Variants in ABLIM1 observed in about 807,000 individuals in gnomAD.
ABLIM1 encodes actin binding LIM protein 1.
ABLIM1 carries 40 observed loss-of-function variants against 107.0 expected under a neutral mutation model. The ratio of observed to expected loss-of-function variants is 0.37; its 90% confidence interval spans 0.29 to 0.49. The LOEUF is 0.49. Ranked by LOEUF, ABLIM1 falls within the 20% of genes least tolerant of loss-of-function variation. ABLIM1 has a pLI of 0.97. For synonymous variants in ABLIM1, 357 were observed against 357.3 expected, an observed-to-expected ratio of 1.00 and a Z score of 0.01; for missense variants, 857 against 1,008.5, an observed-to-expected ratio of 0.85 and a Z score of 2.04.
intron 2 of ABLIM1, among the ~76,000 whole-genome samples, chr10:114,584,135 A>AGAAAGAAAAGAAAAG (rs141462363): frequency 1.3e-4 from 20 of 149,314 alleles, no homozygotes; most frequent in Admixed American, 8.1e-4. Flanking sequence ...AAAATTAAGA[A>AGAAAGAAAAGAAAAG]AAAAGAAAAG....
chr10:114,772,272 C>T (rs558259939), upstream of ABLIM1, among the ~76,000 whole-genome samples: 4 of 152,132 alleles, frequency 2.6e-5, no homozygotes, highest in Admixed American at 6.5e-5. Flanking sequence ...CCCTGGCTCC[C>T]GAGAGAAGCA....
chr10:114,657,983 C>T lies in ABLIM1; in HGVS notation c.218G>A (p.Arg73His), dbSNP rs146399793. 1.2e-4 allele frequency: 192 copies of T among 1,613,822 alleles called. 1 individual carries two copies. In the African/African-American group the frequency reaches 1.3e-3, roughly 11 times the overall value. Residue 73 changes from arginine (R) to histidine (H), a missense_variant, in exon 1 of 23, where the codon CGT (arginine) becomes CAT (histidine). Around this residue, in one of 5 missense-constraint regions of ABLIM1, gnomAD observed 176 missense variants for 173.5 expected, o/e 1.01. Transcript: ENST00000533213. ...LCPKDYCPRG[R>H]VCNSVDPFVA... ...AAAAGGATCAACGCTGTTACATACA[C>T]GCCCACGTGGGCAGTAGTCCTTGGG...
In ABLIM1 at chr10:114,491,876, T is replaced by C. The variant is rs2135120534; in HGVS notation, c.897A>G (p.Ala299=). 2.5e-6 allele frequency: 4 copies of C among 1,605,506 alleles called. No individual in the cohort carries two copies. The African/African-American group carries it at 5.3e-5, about 21-fold the overall frequency. The change falls in exon 7 of 23, where the codon GCA becomes GCG. Residue 299 remains alanine, a splice_region_variant and synonymous_variant. Transcript: ENST00000533213. ...HQFITGKVLE[A]GDKHYHPSCA... is the part of the protein sequence containing the mutation. ...AGCTGGGGTGGTAATGTTTGTCACCTGCCTGCAAGAGAAAAGGTAGGGAAC... is the reference window on the plus strand; with the variant it reads ...AGCTGGGGTGGTAATGTTTGTCACCCGCCTGCAAGAGAAAAGGTAGGGAAC...
intron 1 of ABLIM1, among the ~76,000 whole-genome samples, chr10:114,607,971 G>A (rs546960163): frequency 2.6e-4 from 39 of 152,338 alleles, no homozygotes; most frequent in East Asian, 7.7e-4. Context: ...TTACACCAAC[G>A]CAAAATGTTA....
At chr10:114,492,884 A>G (rs1565591020) in intron 6 of ABLIM1, among the ~76,000 whole-genome samples, 2 of 152,232 alleles carry the variant, frequency 1.3e-5, no homozygotes, top group Non-Finnish European at 2.9e-5. Context: ...AAAAACTACA[A>G]GATCCACTTA....
chr10:114,500,228 G>A (rs146918939), intron 6 of ABLIM1, among the ~76,000 whole-genome samples: 152 of 152,270 alleles, frequency 1.0e-3, no homozygotes, highest in African/African-American at 3.6e-3. Flanking sequence ...TTATCCTTCT[G>A]AGTAAGGGTG....
chr10:114,736,427 C>A (rs530494093), intron 1 of ABLIM1, among the ~76,000 whole-genome samples: 1 of 152,228 alleles, frequency 6.6e-6, no homozygotes, highest in East Asian at 1.9e-4. Flanking sequence ...TAAAAAACAA[C>A]AACGCTAAGC....
chr10:114,612,567 G>A (rs1463998666), intron 1 of ABLIM1, among the ~76,000 whole-genome samples: 1 of 152,196 alleles, frequency 6.6e-6, no homozygotes, highest in Admixed American at 6.5e-5. Context: ...TGTATGAGCA[G>A]GAATTTCTGA....
At chr10:114,700,435 T>C (rs756947064) in intron 1 of ABLIM1, among the ~76,000 whole-genome samples, 20 of 151,916 alleles carry the variant, frequency 1.3e-4, no homozygotes, top group Admixed American at 3.3e-4. Context: ...GTTGACAAAC[T>C]GGTTTTAAAA....
intron 5 of ABLIM1, 147 bp downstream of exon 5, chr10:114,547,503 G>A: frequency 9.1e-7 from 1 of 1,100,706 alleles, no homozygotes; most frequent in South Asian, 1.7e-5. Context: ...CTTTTCAAAA[G>A]TTTTATAGCA....
upstream of ABLIM1, chr10:114,685,104 C>A (rs1157015822): frequency 6.6e-6 from 1 of 151,904 alleles, no homozygotes; most frequent in Admixed American, 6.5e-5. Flanking sequence ...CATTTTTTTC[C>A]TTTCGTCAGT....
At chr10:114,581,767 T>C (rs2073407609) in intron 2 of ABLIM1, among the ~76,000 whole-genome samples, 1 of 152,068 alleles carries the variant, frequency 6.6e-6, no homozygotes, top group Non-Finnish European at 1.5e-5. Flanking sequence ...ATTTGCCCCA[T>C]GAAAGTTCTG....
the ABLIM1 span, among the ~76,000 whole-genome samples, chr10:114,787,656 GAAGTGAGGAGCCCCTCTGCCC>G: frequency 7.8e-5 from 11 of 141,316 alleles, no homozygotes; most frequent in South Asian, 9.4e-4. Flanking sequence ...CCCCTACTGG[GAAGTGAGGAGCCCCTCTGCCC>G]GGCCAGCCAC....
intron 2 of ABLIM1, among the ~76,000 whole-genome samples, chr10:114,582,830 C>A (rs1324752899): frequency 1.3e-5 from 2 of 152,112 alleles, no homozygotes; most frequent in Non-Finnish European, 2.9e-5. Context: ...TGAAACTAGA[C>A]CCCTACCTAT....
intron 1 of ABLIM1, among the ~76,000 whole-genome samples, chr10:114,736,737 A>G (rs2142226798): frequency 6.6e-6 from 1 of 152,358 alleles, no homozygotes; most frequent in African/African-American, 2.4e-5. Context: ...AATTATATCT[A>G]TCTGAAATAG....
At position 114,557,671 on chromosome 10, in the gene ABLIM1, G is replaced by GTTTTGTTTTTTTTTTTTTTTTTTTTT. The variant is rs1555173409; in HGVS notation, c.674-9896_674-9895insAAAAAAAAAAAAAAAAAAAAACAAAA. 2.8e-5 allele frequency among the ~76,000 whole-genome samples: 2 copies of GTTTTGTTTTTTTTTTTTTTTTTTTTT among 72,484 alleles called. 1 individual carries two copies. The highest frequency in any genetic ancestry group is 1.4e-4 in the African/African-American group (2 of 14,812). The allele number at this position is 72,484 out of a possible 152,430, so 47.6% of individuals were successfully genotyped here. A position where few individuals can be genotyped will look rare whatever the true frequency, so the allele number is the denominator to read the frequency against. ...TGACCCAATAGCTCCATAGTGAGGT[G>GTTTTGTTTTTTTTTTTTTTTTTTTTT]TTTTTTTTTTTTTTTTTTTTTTGGA... On this transcript the variant is annotated intron_variant, in intron 4 of 22. Coordinates refer to ENST00000533213, the MANE Select transcript of ABLIM1 (RefSeq NM_002313.7).
chr10:114,651,293 C>A (rs919061893), intron 1 of ABLIM1, among the ~76,000 whole-genome samples: 1 of 152,110 alleles, frequency 6.6e-6, no homozygotes, highest in African/African-American at 2.4e-5. Context: ...TCAGAGAGGA[C>A]CTCAGTGTAT....
At chr10:114,753,189 G>C (rs1467881294) in intron 1 of ABLIM1, among the ~76,000 whole-genome samples, 8 of 152,160 alleles carry the variant, frequency 5.3e-5, no homozygotes, top group Non-Finnish European at 1.0e-4. Flanking sequence ...ATTTTATAGT[G>C]CTGGAGAAAT....
At chr10:114,532,282 G>A (rs1325765334) in intron 6 of ABLIM1, among the ~76,000 whole-genome samples, 1 of 152,172 alleles carries the variant, frequency 6.6e-6, no homozygotes, top group African/African-American at 2.4e-5. Flanking sequence ...CATTTGCAAG[G>A]CCACTCCAAA....
Sources: allele counts gnomAD v4.1 joint callset (sites outside exome capture counted in the v4.1 genomes callset), GRCh38; gene constraint gnomAD v4.1.1; regional missense constraint gnomAD v4.1.1; transcripts MANE v1.5; gene names NCBI Gene and HGNC (gene_info 2026-07-23, HGNC 2026-07-21).